TIAM1: variants seen among roughly 807,000 people sequenced by gnomAD.
TIAM1 encodes TIAM Rac1 associated GEF 1, also known as rho guanine nucleotide exchange factor TIAM1.
TIAM1 carries 65 observed loss-of-function variants against 163.5 expected under a neutral mutation model. The ratio of observed to expected loss-of-function variants is 0.40; its 90% CI spans 0.33 to 0.49. The LOEUF is 0.49. Ranked by LOEUF, TIAM1 falls within the 20% of genes least tolerant of loss-of-function variation. The probability of loss-of-function intolerance (pLI) is 0.77; values close to 1 mark genes in which losing one functional copy is unlikely to be tolerated. For synonymous variants in TIAM1, 833 were observed against 810.1 expected (o/e 1.03, Z -0.48); for missense variants, 1,789 against 2,044.7 (o/e 0.87, Z 2.41).
intron 2 of TIAM1, among the ~76,000 whole-genome samples, chr21:31,405,116 C>T (rs750390547): frequency 2.0e-5 from 3 of 152,014 alleles, no homozygotes; most frequent in Non-Finnish European, 4.4e-5. Context: ...TATGGTGGTG[C>T]ACAAACTGTG....
At chr21:31,202,871 C>T (rs2086272731) in intron 12 of TIAM1, 37 bp downstream of exon 12, 1 of 1,554,178 alleles carries the variant, frequency 6.4e-7, no homozygotes, top group Admixed American at 1.7e-5. Flanking sequence ...AAGATAATCT[C>T]CCATAAAGTG....
At chr21:31,227,338 A>G (rs1032837213) in intron 6 of TIAM1, among the ~76,000 whole-genome samples, 1 of 152,196 alleles carries the variant, frequency 6.6e-6, no homozygotes, top group African/African-American at 2.4e-5. Flanking sequence ...AAGTCAAGAT[A>G]GTACTTTATC....
At chr21:31,311,151 GTTTT>G (rs1223545260) in intron 2 of TIAM1, among the ~76,000 whole-genome samples, 6 of 131,976 alleles carry the variant, frequency 4.5e-5, no homozygotes, top group Admixed American at 3.8e-4. Context: ...TCAGGAAATG[GTTTT>G]TTTGTTTGTT....
At chr21:31,501,960 C>T (rs111294186) in intron 1 of TIAM1, among the ~76,000 whole-genome samples, 11 of 152,272 alleles carry the variant, frequency 7.2e-5, no homozygotes, top group African/African-American at 2.2e-4. Flanking sequence ...GTGGGACCAA[C>T]GGGCTGAATG....
chr21:31,468,470 GAGA>G (rs1403366872), intron 1 of TIAM1, among the ~76,000 whole-genome samples: 1 of 150,524 alleles, frequency 6.6e-6, no homozygotes, highest in Non-Finnish European at 1.5e-5. Context: ...ACAACAAAGT[GAGA>G]CTACCTCTCA....
At chr21:31,171,062 A>AAAAAC (rs1555879081) in intron 15 of TIAM1, among the ~76,000 whole-genome samples, 4 of 119,242 alleles carry the variant, frequency 3.4e-5, no homozygotes, top group Non-Finnish European at 3.6e-5. Flanking sequence ...AAAAAAAAAA[A>AAAAAC]TTGGGGGCCA....
At chr21:31,409,019 C>A (rs750076856) in intron 2 of TIAM1, among the ~76,000 whole-genome samples, 1 of 152,006 alleles carries the variant, frequency 6.6e-6, no homozygotes, top group Non-Finnish European at 1.5e-5. Flanking sequence ...TTCATCAGTG[C>A]GGTGGGTCCT....
intron 1 of TIAM1, among the ~76,000 whole-genome samples, chr21:31,548,668 T>G (rs2048583329): frequency 6.6e-6 from 1 of 151,286 alleles, no homozygotes; most frequent in Non-Finnish European, 1.5e-5. Flanking sequence ...TTGTATTTTT[T>G]TCTAGAGATG....
chr21:31,208,908 C>T (rs2086582760), intron 11 of TIAM1, among the ~76,000 whole-genome samples: 2 of 152,142 alleles, frequency 1.3e-5, no homozygotes, highest in Admixed American at 6.5e-5. Flanking sequence ...GTCATTTCAT[C>T]CATCCAACTT....
At chr21:31,329,732 G>A (rs2075617271) in intron 2 of TIAM1, among the ~76,000 whole-genome samples, 1 of 152,152 alleles carries the variant, frequency 6.6e-6, no homozygotes. Context: ...ATTCTCCCCT[G>A]CTGCCCAGTG....
chr21:31,365,457 C>T (rs2076487282), intron 2 of TIAM1, among the ~76,000 whole-genome samples: 3 of 146,320 alleles, frequency 2.1e-5, no homozygotes, highest in Non-Finnish European at 1.5e-5. Flanking sequence ...GGCATGATCT[C>T]GGCTCACTGC....
chr21:31,509,710 C>A (rs1281997273), intron 1 of TIAM1, among the ~76,000 whole-genome samples: 1 of 152,138 alleles, frequency 6.6e-6, no homozygotes. Context: ...AGACAGAGAT[C>A]ATCTCTAAAA....
At chr21:31,413,264 CTTTTTTTTT>C (rs397866519) in intron 2 of TIAM1, among the ~76,000 whole-genome samples, 1 of 87,856 alleles carries the variant, frequency 1.1e-5, no homozygotes, top group East Asian at 3.7e-4. Flanking sequence ...CTTTTCTTTT[CTTTTTTTTT>C]TTTTTTTTTT....
At position 31,438,076 on chromosome 21, in the gene TIAM1, T is replaced by C. The variant is rs139281668; in HGVS notation, c.-369+25907A>G. On this transcript the variant is annotated intron_variant, in intron 2 of 28. Transcript: ENST00000286827. The stretch of plus-strand genomic sequence containing the variant: ...TTCATGAATGGAGCAGCTACCCTCA[T>C]CAACTACTTTTTACTAACCCCTTAA... Among the ~76,000 whole-genome samples the C allele has an allele frequency of 6.0e-5, 9 of 149,922 alleles. No homozygotes were observed. The East Asian group carries it at 1.8e-3, about 30-fold the overall frequency.
intron 6 of TIAM1, among the ~76,000 whole-genome samples, chr21:31,234,899 T>C (rs2088659991): frequency 6.6e-6 from 1 of 151,960 alleles, no homozygotes; most frequent in Non-Finnish European, 1.5e-5. Flanking sequence ...AACACAAACA[T>C]GCTAATCAGA....
chr21:31,492,602 A>G lies in TIAM1; in HGVS notation c.-421-28567T>C, dbSNP rs181837896. 7.9e-5 allele frequency among the ~76,000 whole-genome samples: 12 copies of G among 152,254 alleles called. No individual in the cohort carries two copies. In the East Asian group the frequency reaches 2.3e-3, roughly 29 times the overall value. On this transcript the variant is annotated intron_variant, in intron 1 of 28. Coordinates refer to the TIAM1 transcript ENST00000286827. Reference sequence around the variant, plus strand: ...ACCTTACCAGACCAAACCAATGTACATCTTACACATATTGATTGCTGTCTC... The same window carrying G: ...ACCTTACCAGACCAAACCAATGTACGTCTTACACATATTGATTGCTGTCTC...
chr21:31,390,121 T>C (rs1001054025), intron 2 of TIAM1, among the ~76,000 whole-genome samples: 2 of 152,232 alleles, frequency 1.3e-5, no homozygotes, highest in Non-Finnish European at 2.9e-5. Context: ...GGAGAATTTA[T>C]ACTTACTCAT....
At chr21:31,477,557 C>G (rs1432779437) in intron 1 of TIAM1, among the ~76,000 whole-genome samples, 1 of 150,292 alleles carries the variant, frequency 6.7e-6, no homozygotes, top group Non-Finnish European at 1.5e-5. Flanking sequence ...TCACTGCAAC[C>G]TCCACTTCCC....
At chr21:31,477,664 G>A (rs111853210) in intron 1 of TIAM1, among the ~76,000 whole-genome samples, 1,918 of 151,928 alleles carry the variant, frequency 0.013, 17 homozygotes, top group Middle Eastern at 0.044. Flanking sequence ...TAGGAGAGAC[G>A]GGGGTTTCAC....
Sources: allele counts gnomAD v4.1 joint callset (sites outside exome capture counted in the v4.1 genomes callset), GRCh38; gene constraint gnomAD v4.1.1; transcripts MANE v1.5; gene names NCBI Gene and HGNC (gene_info 2026-07-23, HGNC 2026-07-21).